CACNA1C: variants seen among roughly 807,000 people sequenced by gnomAD.
CACNA1C encodes calcium voltage-gated channel subunit alpha1 C, also known as voltage-dependent L-type calcium channel subunit alpha-1C.
CACNA1C carries 30 observed loss-of-function variants against 229.0 expected under a neutral mutation model. That is an observed-to-expected ratio of 0.13 (90% confidence interval 0.10 to 0.18). The LOEUF (loss-of-function observed/expected upper bound fraction) is 0.18, where lower values mean the gene tolerates loss of function less well. Ranked by LOEUF, CACNA1C falls within the 10% of genes least tolerant of loss-of-function variation. The pLI is 1.00. For missense variants in CACNA1C, 1,658 were observed against 2,845.0 expected (o/e 0.58, Z 9.49); for synonymous variants, 1,114 against 1,132.5 (o/e 0.98, Z 0.33).
chr12:2,633,538 C>T lies in CACNA1C; in HGVS notation c.3829-759C>T, dbSNP rs1258445804. 1 of 817,932 alleles carries T rather than the reference C, an allele frequency of 1.2e-6. No individual in the cohort carries two copies. 50.7% of individuals were successfully genotyped at this position (817,932 alleles called of 1,614,324 possible). On this transcript the variant is annotated intron_variant, in intron 29 of 46. Coordinates refer to ENST00000399655, the MANE Select transcript of CACNA1C (RefSeq NM_000719.7). This position sits in a 1 kb window ranked among gnomAD's most constrained non-coding sequence, Gnocchi z 5.8. ...AACTCCAGAGGCAACACGGAGGTGC[C>T]TGGACGATGATTCTGATGGTGGTGT...
intron 29 of CACNA1C, among the ~76,000 whole-genome samples, chr12:2,627,542 T>C (rs2087535442): frequency 6.6e-6 from 1 of 151,930 alleles, no homozygotes; most frequent in Non-Finnish European, 1.5e-5. Context: ...TGGGCACAGC[T>C]CCCTCCCCCA....
chr12:2,250,177 T>C (rs139477856), intron 3 of CACNA1C, among the ~76,000 whole-genome samples: 2 of 152,308 alleles, frequency 1.3e-5, no homozygotes, highest in Non-Finnish European at 2.9e-5. Context: ...GCATGGACAG[T>C]GCCTCACAGA....
At chr12:2,170,186 A>G (rs1019806544) in intron 3 of CACNA1C, among the ~76,000 whole-genome samples, 7 of 152,220 alleles carry the variant, frequency 4.6e-5, no homozygotes, top group Non-Finnish European at 8.8e-5. Context: ...CAGCTTGGCC[A>G]GGTCTGAGTC....
intron 1 of CACNA1C, among the ~76,000 whole-genome samples, chr12:1,974,059 T>A (rs2033477739): frequency 6.6e-6 from 1 of 152,192 alleles, no homozygotes; most frequent in Non-Finnish European, 1.5e-5. Flanking sequence ...CACTAGACTA[T>A]AAGCTCCTGG....
rs2072604676 is a variant in CACNA1C, at chr12:2,093,901, G to A, written c.50-21323G>A. 2.6e-5 allele frequency among the ~76,000 whole-genome samples: 4 copies of A among 152,188 alleles called. No individual in the cohort carries two copies. In the South Asian group the frequency reaches 8.3e-4, roughly 32 times the overall value. ...TATGTTGAGGCCATCTGTGTTTCGT[G>A]CTGAAAGGACATTTTTCTTCAGCAG... On this transcript the variant is annotated intron_variant, in intron 1 of 46. Transcript: ENST00000399655.
intron 3 of CACNA1C, among the ~76,000 whole-genome samples, chr12:2,267,861 A>G (rs543716711): frequency 6.6e-6 from 1 of 152,242 alleles, no homozygotes; most frequent in South Asian, 2.1e-4. Flanking sequence ...TTGGGAAATC[A>G]TGCTGGCCTC....
rs770405484 is a variant in CACNA1C at position 2,043,349 on chromosome 12, T to C, written c.140-71875T>C. The stretch of plus-strand genomic sequence containing the variant: ...AATATAATACAAATCTATTTCTTGA[T>C]CATACTATATCCAGAGGGGGCTAGT... On this transcript the variant is annotated intron_variant, in intron 1 of 46. Coordinates refer to the CACNA1C transcript ENST00000682462. Among the ~76,000 whole-genome samples the C allele has an allele frequency of 3.2e-4, 49 of 152,346 alleles. No individual in the cohort carries two copies. The Middle Eastern group carries it at 0.014, about 42-fold the overall frequency.
chr12:2,038,308 T>C (rs73044444), intron 1 of CACNA1C, among the ~76,000 whole-genome samples: 7,700 of 152,308 alleles, frequency 0.051, 270 homozygotes, highest in Middle Eastern at 0.078. Context: ...GGTGGCACTC[T>C]GACAGAGATT....
chr12:2,632,664 C>A lies in CACNA1C; in HGVS notation c.3829-1633C>A, dbSNP rs1361249578. ...CCAGAATCTCTCCTTCAGGGCACCA[C>A]TGTCTTCATCCCCTTCTAGGCAGCC... On this transcript the variant is annotated intron_variant, in intron 29 of 46. Transcript: ENST00000399655. The surrounding 1 kb of genome is among the most constrained non-coding windows in gnomAD (Gnocchi z 4.1). Among the ~76,000 whole-genome samples, 1 of 152,200 alleles carries A rather than the reference C, an allele frequency of 6.6e-6. No individual in the cohort carries two copies. Among genetic ancestry groups the A allele is most frequent in the Non-Finnish European group, 1.5e-5 (1 of 68,038 alleles).
At chr12:2,129,624 TAAAAG>T (rs1388249173) in intron 3 of CACNA1C, among the ~76,000 whole-genome samples, 1 of 152,194 alleles carries the variant, frequency 6.6e-6, no homozygotes, top group Non-Finnish European at 1.5e-5. Context: ...CCTGGATCCT[TAAAAG>T]AAAAATCTGA....
chr12:2,629,767 T>C (rs2153549484), intron 29 of CACNA1C, among the ~76,000 whole-genome samples: 1 of 152,332 alleles, frequency 6.6e-6, no homozygotes, highest in Middle Eastern at 3.4e-3. Context: ...AAATCCACAA[T>C]TCTCGTGCAT....
chr12:2,386,238 C>A (rs1475119497), intron 3 of CACNA1C, among the ~76,000 whole-genome samples: 2 of 152,138 alleles, frequency 1.3e-5, no homozygotes, highest in Non-Finnish European at 2.9e-5. Flanking sequence ...CCCTGCCCCC[C>A]AACAAGTCAT....
At chr12:2,122,650 C>T (rs77285226) in intron 3 of CACNA1C, among the ~76,000 whole-genome samples, 6 of 152,322 alleles carry the variant, frequency 3.9e-5, no homozygotes, top group South Asian at 4.1e-4. Context: ...TCTACACGAA[C>T]GTTTACTAGG....
At chr12:2,681,254 G>A (rs2097132065) in intron 42 of CACNA1C, among the ~76,000 whole-genome samples, 1 of 152,168 alleles carries the variant, frequency 6.6e-6, no homozygotes. Flanking sequence ...GACCCCAGGG[G>A]ATTTCCTTGT....
intron 28 of CACNA1C, 125 bp from the exon 29 acceptor site, chr12:2,611,778 T>A: frequency 3.2e-6 from 2 of 627,052 alleles, no homozygotes; most frequent in Non-Finnish European, 5.7e-6. Flanking sequence ...TGGGCGGCCC[T>A]CTGGGGGTTT....
intron 3 of CACNA1C, among the ~76,000 whole-genome samples, chr12:2,188,987 G>A (rs2097129862): frequency 1.3e-5 from 2 of 151,654 alleles, no homozygotes; most frequent in African/African-American, 4.9e-5. Context: ...CAGCTACTTG[G>A]GAGGCTGAGG....
chr12:2,453,238 G>A (rs4765688), intron 4 of CACNA1C, among the ~76,000 whole-genome samples: 47,919 of 151,918 alleles, frequency 0.32, 8,195 homozygotes, highest in East Asian at 0.68. Context: ...TCCCCTCATC[G>A]CTCAGCCCTG....
At chr12:2,257,350 C>G (rs963056118) in intron 3 of CACNA1C, among the ~76,000 whole-genome samples, 7 of 152,184 alleles carry the variant, frequency 4.6e-5, no homozygotes, top group African/African-American at 1.4e-4. Flanking sequence ...GGTCTCCAAC[C>G]TTTTTGGCAC....
chr12:2,236,274 G>A (rs557805684), intron 3 of CACNA1C, among the ~76,000 whole-genome samples: 17 of 152,330 alleles, frequency 1.1e-4, no homozygotes, highest in South Asian at 1.0e-3. Context: ...CTCAGGTCCA[G>A]CAAGCTCCCA....
Sources: allele counts gnomAD v4.1 joint callset (sites outside exome capture counted in the v4.1 genomes callset), GRCh38; gene constraint gnomAD v4.1.1; non-coding constraint Gnocchi (gnomAD v3.1); transcripts MANE v1.5; gene names NCBI Gene and HGNC (gene_info 2026-07-23, HGNC 2026-07-21).